Variants in PDE10A observed in about 807,000 individuals in gnomAD.
PDE10A encodes the protein cAMP and cAMP-inhibited cGMP 3',5'-cyclic phosphodiesterase 10A.
PDE10A carries 39 observed loss-of-function variants against 97.7 expected under a neutral mutation model. The ratio of observed to expected loss-of-function variants is 0.40; its 90% CI spans 0.31 to 0.52. PDE10A has a LOEUF of 0.52. Among genes scored for constraint, PDE10A ranks in the 20% least tolerant of loss-of-function variants. The pLI, the probability that PDE10A is intolerant of heterozygous loss-of-function variation, is 0.56. For missense variants in PDE10A, 731 were observed against 1,047.8 expected (o/e 0.70, Z 4.17); for synonymous variants, 371 against 376.8 (o/e 0.98, Z 0.18).
intron 1 of PDE10A, among the ~76,000 whole-genome samples, chr6:165,632,555 T>C (rs1788683349): frequency 1.3e-5 from 2 of 152,302 alleles, no homozygotes; most frequent in South Asian, 4.1e-4. Context: ...CTCTGAATCC[T>C]ACCAGGCAAC....
At chr6:165,874,235 C>A (rs1340783173) in intron 1 of PDE10A, among the ~76,000 whole-genome samples, 1 of 152,186 alleles carries the variant, frequency 6.6e-6, no homozygotes, top group Non-Finnish European at 1.5e-5. Context: ...CTTCATTAAA[C>A]CCTGTTTTTC....
At chr6:165,554,324 C>T (rs543206938) in intron 1 of PDE10A, among the ~76,000 whole-genome samples, 1 of 152,048 alleles carries the variant, frequency 6.6e-6, no homozygotes, top group Non-Finnish European at 1.5e-5. Context: ...GGAAAAAAAC[C>T]TAATAATCCA....
At chr6:165,548,006 T>C (rs1299336243) in intron 1 of PDE10A, among the ~76,000 whole-genome samples, 1 of 152,142 alleles carries the variant, frequency 6.6e-6, no homozygotes. Flanking sequence ...CATTTAAAAC[T>C]TTTATCAAAT....
chr6:165,424,085 A>G (rs891591158), intron 10 of PDE10A, among the ~76,000 whole-genome samples: 2 of 152,056 alleles, frequency 1.3e-5, no homozygotes, highest in African/African-American at 4.8e-5. Context: ...ACAGGAGCAC[A>G]CTGTTCCCCC....
chr6:165,374,841 C>T (rs963508563), intron 18 of PDE10A, among the ~76,000 whole-genome samples: 1 of 150,464 alleles, frequency 6.6e-6, no homozygotes, highest in African/African-American at 2.5e-5. Flanking sequence ...CAAGTGCTTA[C>T]TTTGATTCTC....
At chr6:165,417,295 T>G (rs969959203) in intron 11 of PDE10A, among the ~76,000 whole-genome samples, 1 of 152,142 alleles carries the variant, frequency 6.6e-6, no homozygotes, top group Non-Finnish European at 1.5e-5. Context: ...GAGCAAAGGG[T>G]ATCAGAATCC....
In PDE10A at chr6:165,630,042, C is replaced by T. The variant is rs200495973; in HGVS notation, c.865+31905G>A. Reference sequence around the variant, plus strand: ...CCATTGTCAACAGAAAAATCTCATCCACAATTAGAAAAAATCATATAGGGG... The same window carrying T: ...CCATTGTCAACAGAAAAATCTCATCTACAATTAGAAAAAATCATATAGGGG... On this transcript the variant is annotated intron_variant, in intron 1 of 21. Transcript: ENST00000539869. Among the ~76,000 whole-genome samples the T allele has an allele frequency of 2.6e-5, 4 of 152,064 alleles. No homozygotes were observed. In the East Asian group the frequency reaches 7.7e-4, roughly 29 times the overall value.
upstream of PDE10A, among the ~76,000 whole-genome samples, chr6:165,664,131 AAAGCTCAGCTTTCACG>A (rs1389877238): frequency 6.6e-6 from 1 of 152,072 alleles, no homozygotes; most frequent in Non-Finnish European, 1.5e-5. Context: ...CACACGCGCC[AAAGCTCAGCTTTCACG>A]AAGGGCAAAA....
chr6:165,619,792 G>C (rs1340410788), intron 1 of PDE10A, among the ~76,000 whole-genome samples: 1 of 151,964 alleles, frequency 6.6e-6, no homozygotes, highest in Admixed American at 6.6e-5. Context: ...GTCTAGTGTA[G>C]TGATTGGTGT....
At position 165,358,251 on chromosome 6, in the gene PDE10A, C is replaced by T. The variant is rs570620794; in HGVS notation, c.2784-14749G>A. On this transcript the variant is annotated intron_variant, in intron 18 of 21. Coordinates refer to ENST00000539869, the MANE Select transcript of PDE10A (RefSeq NM_001385079.1). ...TCGTTTAGATCTCTGTTAGCCTTAG[C>T]GAACTTTTACATAGTTCTTCTGTAA... 5.3e-5 allele frequency among the ~76,000 whole-genome samples: 8 copies of T among 152,094 alleles called. No homozygotes were observed. In the South Asian group the frequency reaches 6.2e-4, roughly 12 times the overall value.
At chr6:165,534,582 T>C (rs901489494) in intron 2 of PDE10A, among the ~76,000 whole-genome samples, 5 of 152,002 alleles carry the variant, frequency 3.3e-5, no homozygotes, top group African/African-American at 1.2e-4. Flanking sequence ...CTGTAATACA[T>C]TAAAAATCCA....
At chr6:165,796,875 G>A (rs1027685284) in intron 1 of PDE10A, among the ~76,000 whole-genome samples, 2 of 152,160 alleles carry the variant, frequency 1.3e-5, no homozygotes, top group African/African-American at 4.8e-5. Flanking sequence ...GGGCAATTCT[G>A]TGGGATGTTC....
At chr6:165,833,661 A>G (rs1454904173) in intron 1 of PDE10A, among the ~76,000 whole-genome samples, 1 of 152,248 alleles carries the variant, frequency 6.6e-6, no homozygotes, top group Non-Finnish European at 1.5e-5. Flanking sequence ...TCTGCCAACC[A>G]GGCTGAGCAC....
At chr6:165,405,176 G>A (rs2128222675) in intron 13 of PDE10A, among the ~76,000 whole-genome samples, 1 of 152,282 alleles carries the variant, frequency 6.6e-6, no homozygotes, top group South Asian at 2.1e-4. Context: ...TGACTCTCTA[G>A]CTGTGTGCCC....
intron 1 of PDE10A, among the ~76,000 whole-genome samples, chr6:165,640,209 A>G (rs989291128): frequency 1.3e-5 from 2 of 152,234 alleles, no homozygotes; most frequent in Admixed American, 6.5e-5. Flanking sequence ...AGGCTTTCAA[A>G]ACATAAAGAT....
intron 1 of PDE10A, among the ~76,000 whole-genome samples, chr6:165,837,043 C>A (rs1453455695): frequency 9.4e-6 from 1 of 106,688 alleles, no homozygotes; most frequent in Non-Finnish European, 1.7e-5. Context: ...ACTCTGGGGA[C>A]TGTTGTGGGG....
chr6:165,556,361 C>T (rs1164126888), intron 1 of PDE10A, among the ~76,000 whole-genome samples: 2 of 152,066 alleles, frequency 1.3e-5, no homozygotes, highest in Non-Finnish European at 2.9e-5. Context: ...GAATAAGGGG[C>T]CAAGGGTTTG....
At chr6:165,475,209 C>A (rs1436758377) in intron 3 of PDE10A, among the ~76,000 whole-genome samples, 5 of 152,028 alleles carry the variant, frequency 3.3e-5, no homozygotes, top group African/African-American at 1.2e-4. Flanking sequence ...AATATTGTTT[C>A]CTATAACAAA....
intron 1 of PDE10A, among the ~76,000 whole-genome samples, chr6:165,981,530 G>C (rs1290985013): frequency 6.6e-6 from 1 of 152,150 alleles, no homozygotes; most frequent in South Asian, 2.1e-4. Flanking sequence ...AAAGGCAGGG[G>C]CAGGTCCAAA....
Sources: gnomAD v4.1 joint callset for allele counts (sites outside exome capture counted in the v4.1 genomes callset) on GRCh38, gnomAD v4.1.1 for gene constraint, MANE v1.5 for transcripts, NCBI Gene and HGNC (gene_info 2026-07-23, HGNC 2026-07-21) for gene names.